SYNE1: variants seen among roughly 807,000 people sequenced by gnomAD.
SYNE1 encodes spectrin repeat containing nuclear envelope protein 1.
SYNE1 carries 616 observed loss-of-function variants against 1,111.0 expected under a neutral mutation model. The ratio of observed to expected loss-of-function variants is 0.55; its 90% CI spans 0.52 to 0.59. The LOEUF (loss-of-function observed/expected upper bound fraction) is 0.59. Among genes scored for constraint, SYNE1 ranks in the 20% least tolerant of loss-of-function variants. The probability of loss-of-function intolerance (pLI) is 0.00; values close to 1 mark genes in which losing one functional copy is unlikely to be tolerated. For synonymous variants in SYNE1, 3,855 were observed against 3,825.8 expected (o/e 1.01, Z -0.28); for missense variants, 10,006 against 10,417.0 (o/e 0.96, Z 1.72).
chr6:152,450,733 T>A lies in SYNE1; in HGVS notation c.3287A>T (p.Asp1096Val). 1 of 1,614,134 alleles carries A rather than the reference T, an allele frequency of 6.2e-7. No homozygotes were observed. The highest frequency in any genetic ancestry group is 8.5e-7 in the Non-Finnish European group (1 of 1,180,026). The change falls in exon 27 of 146, where the codon GAC becomes GTC. Residue 1096 changes from aspartate (D) to valine (V), a missense_variant. Around this residue, in one of 7 missense-constraint regions of SYNE1, gnomAD observed 1,971 missense variants for 2,084.1 expected, o/e 0.95. Coordinates refer to ENST00000367255, the MANE Select transcript of SYNE1 (RefSeq NM_182961.4). ...VKLPVRDPVRDTPGTCHVTLK... is the reference protein window; with the variant it reads ...VKLPVRDPVRVTPGTCHVTLK... ...AGTCACGTGACAGGTTCCAGGTGTG[T>A]CCCTTACTGGGTCCCGCACTGGGAG... is the stretch of plus-strand genomic sequence containing the variant.
chr6:152,366,504 TA>T (rs553261649), intron 62 of SYNE1, among the ~76,000 whole-genome samples: 23 of 148,936 alleles, frequency 1.5e-4, no homozygotes, highest in East Asian at 3.9e-4. Context: ...TTAATTTTAT[TA>T]AAAAAAAAAA....
In SYNE1 at chr6:152,331,420, A is replaced by T; in HGVS notation, c.13265T>A (p.Val4422Asp). Residue 4422 changes from valine (V) to aspartate (D), a missense_variant, in exon 78 of 146, where the codon GTC becomes GAC. This residue lies in a region of SYNE1 where 4,955 missense variants were observed against 5,017.2 expected (regional missense o/e 0.99). Coordinates refer to ENST00000367255, the MANE Select transcript of SYNE1 (RefSeq NM_182961.4). ...TGCATCAGAGAGAGCCTTCTGGATG[A>T]CCTGTCGCTCATTGAGACCAAGATC... ...MADLGLNERQ[V>D]IQKALSDAQS... 6.2e-7 allele frequency: 1 copy of T among 1,614,062 alleles called. No individual in the cohort carries two copies. The highest frequency in any genetic ancestry group is 8.5e-7 in the Non-Finnish European group (1 of 1,180,010).
At chr6:152,163,925 G>A (rs2063063577) in intron 131 of SYNE1, among the ~76,000 whole-genome samples, 1 of 152,156 alleles carries the variant, frequency 6.6e-6, no homozygotes, top group South Asian at 2.1e-4. Context: ...GCTTCTTGGT[G>A]GATGGATGAC....
At chr6:152,503,936 T>C (rs1329108111) in intron 9 of SYNE1, among the ~76,000 whole-genome samples, 3 of 152,192 alleles carry the variant, frequency 2.0e-5, no homozygotes, top group African/African-American at 7.2e-5. Flanking sequence ...TCCTAAAAGC[T>C]TATACATCCA....
intron 105 of SYNE1, among the ~76,000 whole-genome samples, chr6:152,245,979 G>A (rs1021441530): frequency 6.6e-6 from 1 of 152,166 alleles, no homozygotes; most frequent in African/African-American, 2.4e-5. Flanking sequence ...TGCTGAATGT[G>A]GGGCCCCTGA....
At chr6:152,224,439 T>C in intron 117 of SYNE1, 55 bp downstream of exon 117, 1 of 1,500,966 alleles carries the variant, frequency 6.7e-7, no homozygotes, top group South Asian at 1.1e-5. Flanking sequence ...TTGGTAATTT[T>C]TCAGTTTTCT....
At position 152,193,371 on chromosome 6, in the gene SYNE1, A is replaced by G. The variant is rs140345111; in HGVS notation, c.23146-3964T>C. On this transcript the variant is annotated intron_variant, in intron 127 of 145. Transcript: ENST00000367255. The stretch of plus-strand genomic sequence containing the variant: ...CAAAAAGAAAACTAGTAAAAACTCT[A>G]CACTTTAACTTTGTCAGCTCACTGC... Among the ~76,000 whole-genome samples the G allele has an allele frequency of 4.5e-4, 68 of 152,332 alleles. No homozygotes were observed. In the East Asian group the frequency reaches 0.012, roughly 28 times the overall value.
intron 44 of SYNE1, among the ~76,000 whole-genome samples, chr6:152,408,059 A>T (rs1462996543): frequency 6.6e-6 from 1 of 152,126 alleles, no homozygotes; most frequent in Non-Finnish European, 1.5e-5. Context: ...CACCACGCCC[A>T]GCCAAAGAAT....
Position 152,628,312 on chromosome 6 carries a change from G to T in SYNE1, c.20C>A (p.Ala7Asp), listed in dbSNP as rs2099690328. ...GGCGATATCCCGAGGACACCGGGAG[G>T]CCCCTCTGGAGGTTGCCATGGTCCC... is the stretch of plus-strand genomic sequence containing the variant. MATSRG[A>D]SRCPRDIANV... is the part of the protein sequence containing the mutation. The change falls in exon 3 of 146, where the codon GCC (alanine) becomes GAC (aspartate). Residue 7 changes from alanine to aspartate, a missense_variant. Physicochemically the swap from Ala to Asp is moderately radical, Grantham distance 126. Coordinates refer to ENST00000367255, the MANE Select transcript of SYNE1 (RefSeq NM_182961.4). The T allele has an allele frequency of 1.2e-6, 2 of 1,614,138 alleles. No homozygotes were observed. The highest frequency in any genetic ancestry group is 1.7e-6 in the Non-Finnish European group (2 of 1,180,024).
intron 14 of SYNE1, among the ~76,000 whole-genome samples, chr6:152,473,430 A>G (rs2098817853): frequency 6.6e-6 from 1 of 152,184 alleles, no homozygotes; most frequent in African/African-American, 2.4e-5. Flanking sequence ...TTCTATTATA[A>G]ATTAAAATGT....
intron 55 of SYNE1, 38 bp from the exon 56 acceptor site, chr6:152,381,400 T>C: frequency 6.2e-7 from 1 of 1,601,998 alleles, no homozygotes; most frequent in Non-Finnish European, 8.5e-7. Flanking sequence ...GAAGAGCCTG[T>C]GAGTCACTTG....
Position 152,353,384 on chromosome 6 carries a change from T to C in SYNE1, c.11132A>G (p.Glu3711Gly). 1 of 1,614,252 alleles carries C rather than the reference T, an allele frequency of 6.2e-7. No individual in the cohort carries two copies. The highest frequency in any genetic ancestry group is 8.5e-7 in the Non-Finnish European group (1 of 1,180,046). The change falls in exon 69 of 146, where the codon GAA becomes GGA. Residue 3711 changes from glutamate (E) to glycine (G), a missense_variant. By Grantham distance (98) the Glu-to-Gly change is moderately conservative. Around this residue, in one of 7 missense-constraint regions of SYNE1, gnomAD observed 4,955 missense variants for 5,017.2 expected, o/e 0.99. Transcript: ENST00000367255. The part of the protein sequence containing the change: ...EEEIQSLEES[E>G]SSLSSYSDWY... Reference sequence around the variant, plus strand: ...ATCAGAATAGGAACTGAGGGATGATTCTGATTCCTCCAAACTCTGAATCTC... The same window carrying C: ...ATCAGAATAGGAACTGAGGGATGATCCTGATTCCTCCAAACTCTGAATCTC...
At chr6:152,326,228 G>C in intron 79 of SYNE1, 68 bp downstream of exon 79, 28 of 1,610,642 alleles carry the variant, frequency 1.7e-5, no homozygotes, top group Non-Finnish European at 2.3e-5. Flanking sequence ...TATATCATTC[G>C]TGTATTACTA....
At chr6:152,384,802 C>T (rs557315499) in intron 55 of SYNE1, among the ~76,000 whole-genome samples, 1 of 152,050 alleles carries the variant, frequency 6.6e-6, no homozygotes, top group Admixed American at 6.5e-5. Flanking sequence ...ATCACTTGAA[C>T]CCAGGAGGCA....
chr6:152,459,017 C>T, intron 21 of SYNE1, 87 bp from the exon 22 acceptor site: 7 of 1,143,252 alleles, frequency 6.1e-6, no homozygotes, highest in Non-Finnish European at 9.2e-6. Context: ...GGAACATTTT[C>T]TTTAGTGACA....
At position 152,187,421 on chromosome 6, in the gene SYNE1, G is replaced by A. The variant is rs2070489461; in HGVS notation, c.23301+1831C>T. ...AAGCATCTCTAAAGTCAGAGAAAGG[G>A]TGGAGGATGGGAGACAAAAGAGATC... is the stretch of plus-strand genomic sequence containing the variant. On this transcript the variant is annotated intron_variant, in intron 128 of 145. Coordinates refer to ENST00000367255, the MANE Select transcript of SYNE1 (RefSeq NM_182961.4). 2.0e-5 allele frequency among the ~76,000 whole-genome samples: 3 copies of A among 152,118 alleles called. No homozygotes were observed. The South Asian group carries it at 6.2e-4, about 32-fold the overall frequency.
intron 3 of SYNE1, among the ~76,000 whole-genome samples, chr6:152,579,290 T>C (rs530957828): frequency 2.4e-3 from 364 of 152,284 alleles, no homozygotes; most frequent in African/African-American, 8.0e-3. Flanking sequence ...GACTAAGTCT[T>C]AAAGGCAAAA....
intron 145 of SYNE1, chr6:152,127,290 T>A (rs1381850675): frequency 2.6e-5 from 4 of 152,090 alleles, no homozygotes; most frequent in African/African-American, 9.7e-5. Flanking sequence ...ACACCTCTAA[T>A]CCCCAGTGTC....
Position 152,390,288 on chromosome 6 carries a change from G to A in SYNE1, c.8169C>T (p.His2723=), listed in dbSNP as rs371449580. The part of the protein sequence containing the change: ...VWADIMSSSV[H]AQSTLESVIS... Reference sequence around the variant, plus strand: ...AAAAATAGGTTCTGTACCTTTGAGCGTGGACGGAGGAGCTCATGATGTCAG... The same window carrying A: ...AAAAATAGGTTCTGTACCTTTGAGCATGGACGGAGGAGCTCATGATGTCAG... The change falls in exon 53 of 146, where the codon CAC becomes CAT. Residue 2723 remains histidine (H), a synonymous_variant. Coordinates refer to ENST00000367255, the MANE Select transcript of SYNE1 (RefSeq NM_182961.4). 1.5e-4 allele frequency: 243 copies of A among 1,613,838 alleles called. 6 individuals are homozygous for A. The South Asian group carries it at 1.5e-3, about 10-fold the overall frequency.
Sources: allele counts gnomAD v4.1 joint callset (sites outside exome capture counted in the v4.1 genomes callset), GRCh38; gene constraint gnomAD v4.1.1; regional missense constraint gnomAD v4.1.1; transcripts MANE v1.5; gene names NCBI Gene and HGNC (gene_info 2026-07-23, HGNC 2026-07-21).